CSNK1G3: variants seen among roughly 807,000 people sequenced by gnomAD.
CSNK1G3 encodes the protein casein kinase I isoform gamma-3.
In CSNK1G3, 23 loss-of-function variants were observed where a neutral mutation model predicts 64.3. The observed-to-expected ratio is 0.36, with a 90% CI of 0.26 to 0.51. The LOEUF is 0.51. CSNK1G3 is among the 20% of genes least tolerant of loss of function. The probability of loss-of-function intolerance (pLI) is 0.96; values close to 1 mark genes in which losing one functional copy is unlikely to be tolerated. For missense variants in CSNK1G3, 357 were observed against 510.5 expected (o/e 0.70, Z 2.90); for synonymous variants, 158 against 162.2 (o/e 0.97, Z 0.20).
intron 6 of CSNK1G3, 82 bp from the exon 7 acceptor site, chr5:123,587,986 A>T: frequency 1.2e-5 from 10 of 852,092 alleles, no homozygotes. Flanking sequence ...ATTAATTTAT[A>T]CATAATGAAA....
At chr5:123,554,465 T>C (rs35523169) in intron 3 of CSNK1G3, among the ~76,000 whole-genome samples, 1,580 of 152,272 alleles carry the variant, frequency 0.01, 17 homozygotes, top group Non-Finnish European at 0.017. Flanking sequence ...TATGGGCCGA[T>C]GTACATAGAA....
intron 11 of CSNK1G3, among the ~76,000 whole-genome samples, 168 bp from the exon 13 acceptor site, chr5:123,605,171 A>G (rs939646770): frequency 1.2e-4 from 18 of 152,140 alleles, no homozygotes; most frequent in African/African-American, 4.3e-4. Context: ...ATTTTATAAA[A>G]TGCATGTTTT....
chr5:123,544,910 T>C (rs1026488460), intron 1 of CSNK1G3, among the ~76,000 whole-genome samples: 1 of 152,102 alleles, frequency 6.6e-6, no homozygotes, highest in Non-Finnish European at 1.5e-5. Flanking sequence ...TCCAATCCCA[T>C]GTGTAATTAT....
At chr5:123,530,435 A>C (rs74618978) in intron 1 of CSNK1G3, among the ~76,000 whole-genome samples, 3,051 of 152,296 alleles carry the variant, frequency 0.02, 106 homozygotes, top group African/African-American at 0.07. Context: ...GTAGCTTTTA[A>C]ACTGTAGAAA....
intron 12 of CSNK1G3, among the ~76,000 whole-genome samples, chr5:123,608,783 G>C (rs192505057): frequency 2.4e-4 from 37 of 152,216 alleles, no homozygotes; most frequent in Non-Finnish European, 2.9e-5. Flanking sequence ...GTTGGTCTGT[G>C]GTGGGGCCTG....
intron 4 of CSNK1G3, among the ~76,000 whole-genome samples, chr5:123,571,094 G>T (rs990471581): frequency 6.6e-6 from 1 of 152,122 alleles, no homozygotes; most frequent in African/African-American, 2.4e-5. Context: ...TGGTAGGAGT[G>T]TCTTTGATTC....
At chr5:123,567,172 A>G (rs1171077927) in intron 4 of CSNK1G3, among the ~76,000 whole-genome samples, 2 of 152,228 alleles carry the variant, frequency 1.3e-5, no homozygotes, top group Non-Finnish European at 2.9e-5. Context: ...AGAACAGTAC[A>G]GGAAAGACCC....
chr5:123,553,485 T>C (rs1417191823), intron 3 of CSNK1G3, among the ~76,000 whole-genome samples: 1 of 152,236 alleles, frequency 6.6e-6, no homozygotes, highest in Non-Finnish European at 1.5e-5. Flanking sequence ...TCAAACATTT[T>C]GGTAAAACAA....
chr5:123,559,227 A>T (rs1785201640), intron 4 of CSNK1G3, among the ~76,000 whole-genome samples: 1 of 144,338 alleles, frequency 6.9e-6, no homozygotes, highest in South Asian at 2.2e-4. Flanking sequence ...GAGGTGTTAT[A>T]TAAGGGGGAT....
chr5:123,614,517 C>CA, exon 13 of CSNK1G3: 1 of 672,196 alleles, frequency 1.5e-6, no homozygotes, highest in South Asian at 3.0e-5. Context: ...ACAAAAATGT[C>CA]ATACTTTCAT....
intron 1 of CSNK1G3, among the ~76,000 whole-genome samples, chr5:123,520,954 T>G (rs1189752304): frequency 6.6e-6 from 1 of 152,080 alleles, no homozygotes; most frequent in Admixed American, 6.6e-5. Context: ...TAGCAATGAA[T>G]ACTTTCAAGT....
chr5:123,545,654 C>T, exon 2 of CSNK1G3: 1 of 1,609,654 alleles, frequency 6.2e-7, no homozygotes, highest in Non-Finnish European at 8.5e-7. Flanking sequence ...TGGAGTACCG[C>T]AAACTTGATA....
intron 10 of CSNK1G3, among the ~76,000 whole-genome samples, chr5:123,604,020 G>T (rs1376409446): frequency 1.3e-5 from 2 of 152,104 alleles, no homozygotes; most frequent in Non-Finnish European, 2.9e-5. Flanking sequence ...TTGAGTGGGG[G>T]ACAAAGCTGA....
chr5:123,514,167 G>A (rs1005188249), intron 1 of CSNK1G3, among the ~76,000 whole-genome samples: 3 of 152,072 alleles, frequency 2.0e-5, no homozygotes, highest in Non-Finnish European at 4.4e-5. Flanking sequence ...TATTGAAATG[G>A]GAGACAGAAA....
intron 2 of CSNK1G3, among the ~76,000 whole-genome samples, chr5:123,549,577 T>A (rs1783244431): frequency 6.6e-6 from 1 of 152,226 alleles, no homozygotes; most frequent in African/African-American, 2.4e-5. Flanking sequence ...TCAAACTAAG[T>A]AATCCTTTAC....
intron 1 of CSNK1G3, among the ~76,000 whole-genome samples, chr5:123,544,116 A>G (rs1241103459): frequency 1.3e-5 from 2 of 152,132 alleles, no homozygotes; most frequent in African/African-American, 4.8e-5. Flanking sequence ...CCCTCTGCTA[A>G]TAGAAAAGTG....
intron 1 of CSNK1G3, among the ~76,000 whole-genome samples, chr5:123,533,632 G>C (rs1055458555): frequency 3.3e-5 from 5 of 150,806 alleles, no homozygotes; most frequent in African/African-American, 1.2e-4. Context: ...TTAAATATTA[G>C]GATTATTCCC....
At chr5:123,549,645 A>C (rs1430419743) in intron 2 of CSNK1G3, among the ~76,000 whole-genome samples, 1 of 152,200 alleles carries the variant, frequency 6.6e-6, no homozygotes, top group Non-Finnish European at 1.5e-5. Flanking sequence ...GCTTTGGCCT[A>C]GGCACTCCGC....
In CSNK1G3 at chr5:123,576,595, G is replaced by A. The variant is rs147128652; in HGVS notation, c.673+632G>A. On this transcript the variant is annotated intron_variant, in intron 6 of 12. Coordinates refer to ENST00000345990, the Ensembl canonical transcript of CSNK1G3. ...TTTCATCTGGAACAGTTCCTCAGTC[G>A]TTCGTTATGGCTCATGACCTTAATA... is the stretch of plus-strand genomic sequence containing the variant. Among the ~76,000 whole-genome samples, 395 of 152,136 alleles carry A rather than the reference G, an allele frequency of 2.6e-3. 1 individual carries two copies. The highest frequency in any genetic ancestry group is 8.9e-3 in the African/African-American group (370 of 41,528).
Sources: allele counts gnomAD v4.1 joint callset (sites outside exome capture counted in the v4.1 genomes callset), GRCh38; gene constraint gnomAD v4.1.1; transcripts MANE v1.5; gene names NCBI Gene and HGNC (gene_info 2026-07-23, HGNC 2026-07-21).